Variants in LMF1 observed in about 807,000 individuals in gnomAD.
LMF1 encodes lipase maturation factor 1.
In LMF1, 68 loss-of-function variants were observed where a neutral mutation model predicts 60.6. The ratio of observed to expected loss-of-function variants is 1.12; its 90% CI spans 0.92 to 1.37. LMF1 has a LOEUF of 1.37. LMF1 is among the 40% of genes most tolerant of loss of function. The pLI is 0.00. For missense variants in LMF1, 948 were observed against 767.2 expected (o/e 1.24, Z -2.78); for synonymous variants, 418 against 324.7 (o/e 1.29, Z -3.09).
chr16:939,564 C>T (rs112146294), intron 2 of LMF1, among the ~76,000 whole-genome samples: 9,673 of 152,336 alleles, frequency 0.063, 380 homozygotes, highest in Non-Finnish European at 0.089. Flanking sequence ...ATGACCAGTG[C>T]GTCGCTGAGA....
chr16:939,694 C>T (rs967468707), intron 2 of LMF1, among the ~76,000 whole-genome samples: 2 of 152,154 alleles, frequency 1.3e-5, no homozygotes, highest in Non-Finnish European at 2.9e-5. Context: ...ACAACGTCGG[C>T]GAGATGGGAA....
chr16:909,862 G>C (rs1484669282), intron 4 of LMF1, among the ~76,000 whole-genome samples: 1 of 152,236 alleles, frequency 6.6e-6, no homozygotes, highest in South Asian at 2.1e-4. Context: ...AGGAGTGGCC[G>C]AGACGGCGGC....
At chr16:980,070 G>A in intron 1 of LMF1, 1 of 306,006 alleles carries the variant, frequency 3.3e-6, no homozygotes, top group South Asian at 2.9e-5. Flanking sequence ...CTCCACCTAC[G>A]ATGCGTGGAG....
At chr16:923,448 C>CGTTT (rs2071500478) in intron 3 of LMF1, among the ~76,000 whole-genome samples, 1 of 152,168 alleles carries the variant, frequency 6.6e-6, no homozygotes. Flanking sequence ...GGTCTCTAAA[C>CGTTT]ACCTTCCCCA....
In LMF1 at chr16:896,867, T is replaced by A. The variant is rs544152201; in HGVS notation, c.664-3795A>T. ...AATTCTTTCAGGAGTGGAGGATAATTATATTCCTCCCATCTATTGATTTCT... is the reference window on the plus strand; with the variant it reads ...AATTCTTTCAGGAGTGGAGGATAATAATATTCCTCCCATCTATTGATTTCT... On this transcript the variant is annotated intron_variant, in intron 4 of 10. Coordinates refer to ENST00000262301, the MANE Select transcript of LMF1 (RefSeq NM_022773.4). Among the ~76,000 whole-genome samples, 5 of 152,282 alleles carry A rather than the reference T, an allele frequency of 3.3e-5. No individual in the cohort carries two copies. The East Asian group carries it at 9.6e-4, about 29-fold the overall frequency.
At chr16:958,307 G>T (rs28412939) in intron 1 of LMF1, among the ~76,000 whole-genome samples, 3,265 of 152,220 alleles carry the variant, frequency 0.021, 113 homozygotes, top group African/African-American at 0.071. Flanking sequence ...GAAAACACAA[G>T]CCGCAGATTG....
intron 2 of LMF1, among the ~76,000 whole-genome samples, chr16:946,114 C>T (rs778010767): frequency 2.6e-5 from 4 of 152,278 alleles, no homozygotes; most frequent in Admixed American, 1.3e-4. Flanking sequence ...TGCAGAGTCT[C>T]GGAGCTGGCT....
chr16:888,920 T>G (rs573649804), intron 5 of LMF1, among the ~76,000 whole-genome samples: 1 of 149,810 alleles, frequency 6.7e-6, no homozygotes, highest in Admixed American at 6.6e-5. Flanking sequence ...AGGAGCTGCA[T>G]CCCCCCTCTC....
intron 2 of LMF1, 145 bp downstream of exon 2, chr16:954,212 C>T (rs1223582687): frequency 1.1e-6 from 1 of 898,670 alleles, no homozygotes; most frequent in South Asian, 1.4e-5. Flanking sequence ...GCCGCTCTGC[C>T]ATGGCCTAAG....
In LMF1 at chr16:874,368, G is replaced by C. The variant is rs1401112699; in HGVS notation, c.898-3027C>G. On this transcript the variant is annotated intron_variant, in intron 6 of 10. Transcript: ENST00000262301. The surrounding 1 kb of genome is among the most constrained non-coding windows in gnomAD (Gnocchi z 4.1). ...TTTGGGCAGGGCGGGGTGGGGTGGG[G>C]CCGGACAGCCCGCTGTGGGCAGGCG... Among the ~76,000 whole-genome samples the C allele has an allele frequency of 6.6e-6, 1 of 151,738 alleles. No individual in the cohort carries two copies. The highest frequency in any genetic ancestry group is 1.5e-5 in the Non-Finnish European group (1 of 67,902).
chr16:947,713 G>C (rs1415918706), intron 2 of LMF1: 3 of 386,474 alleles, frequency 7.8e-6, no homozygotes, highest in Non-Finnish European at 1.5e-5. Context: ...CAGCAAAGCA[G>C]CCTGCAGGGC....
chr16:862,490 G>A (rs1567141727), intron 10 of LMF1, among the ~76,000 whole-genome samples: 1 of 152,060 alleles, frequency 6.6e-6, no homozygotes, highest in Non-Finnish European at 1.5e-5. Context: ...TATCACTGAG[G>A]GATATTGGCT....
intron 4 of LMF1, among the ~76,000 whole-genome samples, chr16:909,662 C>T (rs117508202): frequency 0.012 from 1,828 of 152,300 alleles, 19 homozygotes; most frequent in South Asian, 0.093. Context: ...GTGGAGTCAT[C>T]GCTTCCTGAG....
At chr16:978,351 C>T (rs573052569) in intron 1 of LMF1, among the ~76,000 whole-genome samples, 131 of 117,288 alleles carry the variant, frequency 1.1e-3, no homozygotes, top group Admixed American at 1.9e-3. Context: ...TACAAACACA[C>T]ACCACACACA....
At chr16:883,632 G>C (rs1437693854) in intron 5 of LMF1, 1 of 152,246 alleles carries the variant, frequency 6.6e-6, no homozygotes, top group Non-Finnish European at 1.5e-5. Flanking sequence ...ACCCGTGTAA[G>C]CCTCCTCACA....
chr16:868,865 G>GCAGGTA (rs1406930312), intron 10 of LMF1, 79 bp downstream of exon 10: 38 of 901,850 alleles, frequency 4.2e-5, no homozygotes, highest in African/African-American at 8.1e-5. Flanking sequence ...AGGTGGGGGT[G>GCAGGTA]CAGGTACAGG....
chr16:918,243 C>G (rs1386824594), intron 3 of LMF1, among the ~76,000 whole-genome samples: 1 of 152,178 alleles, frequency 6.6e-6, no homozygotes, highest in African/African-American at 2.4e-5. Context: ...AGGAAGTGGC[C>G]TCAGTGACCC....
rs765778525 is a variant in LMF1 at position 870,735 on chromosome 16, A to C, written c.1226T>G (p.Phe409Cys). ...GGGGACCCCAGGCTCATACCTTCCG[A>C]AGGCCCCGTAAGTGTTGACGATGTG... ...SLHIVNTYGA[F>C]GSITKERAEV... The change falls in exon 8 of 11, where the codon TTC becomes TGC. Residue 409 changes from phenylalanine to cysteine, a missense_variant. By Grantham distance (205) the Phe-to-Cys change is radical. Transcript: ENST00000262301. The C allele has an allele frequency of 4.3e-6, 7 of 1,612,594 alleles. No individual in the cohort carries two copies. In the African/African-American group the frequency reaches 8.0e-5, roughly 18 times the overall value.
intron 10 of LMF1, chr16:855,804 C>T (rs1310149407): frequency 2.2e-6 from 1 of 456,028 alleles, no homozygotes; most frequent in South Asian, 1.5e-5. Context: ...ACTGTCTGGG[C>T]TGCTGTCATT....
Sources: allele counts gnomAD v4.1 joint callset (sites outside exome capture counted in the v4.1 genomes callset), GRCh38; gene constraint gnomAD v4.1.1; non-coding constraint Gnocchi (gnomAD v3.1); transcripts MANE v1.5; gene names NCBI Gene and HGNC (gene_info 2026-07-23, HGNC 2026-07-21).